GRP: variants seen among roughly 807,000 people sequenced by gnomAD.
GRP encodes gastrin-releasing peptide.
A neutral mutation model predicts 12.7 loss-of-function variants in GRP; 11 were observed. The ratio of observed to expected loss-of-function variants is 0.87; its 90% CI spans 0.55 to 1.44. The LOEUF is 1.44. GRP is among the 40% of genes most tolerant of loss of function. The pLI is 0.00. For synonymous variants in GRP, 84 were observed against 77.7 expected (o/e 1.08, Z -0.43); for missense variants, 212 against 185.4 (o/e 1.14, Z -0.83).
chr18:59,226,551 G>A (rs1220657529), intron 2 of GRP, among the ~76,000 whole-genome samples: 2 of 152,122 alleles, frequency 1.3e-5, no homozygotes, highest in African/African-American at 2.4e-5. Context: ...AGTCTTAGAC[G>A]GAAGATTCTA....
rs1285273990 is a variant in GRP at position 59,220,286 on chromosome 18, G to A, written c.21G>A (p.Pro7=). The change falls in exon 1 of 3, where the codon CCG becomes CCA. Residue 7 remains proline, a synonymous_variant. Coordinates refer to ENST00000256857, the MANE Select transcript of GRP (RefSeq NM_002091.5). ...GGACCATGCGCGGCCGTGAGCTCCC[G>A]CTGGTCCTGCTGGCGCTGGTCCTCT... The part of the protein sequence containing the change: MRGREL[P]LVLLALVLCL... 1 of 1,504,574 alleles carries A rather than the reference G, an allele frequency of 6.6e-7. No individual in the cohort carries two copies. The highest frequency in any genetic ancestry group is 2.1e-5 in the Admixed American group (1 of 48,296). The allele number at this position is 1,504,574 out of a possible 1,614,324, so 93.2% of individuals were successfully genotyped here. A position where few individuals can be genotyped will look rare whatever the true frequency, so the allele number is the denominator to read the frequency against.
Position 59,230,609 on chromosome 18 carries a change from G to T in GRP, c.*141G>T. The T allele has an allele frequency of 1.6e-6, 1 of 607,928 alleles. No individual in the cohort carries two copies. The highest frequency in any genetic ancestry group is 1.8e-5 in the African/African-American group (1 of 54,452). 37.7% of individuals were successfully genotyped at this position (607,928 alleles called of 1,614,324 possible). ...GTATCTTTCATCCTTGACTAAATTC[G>T]TGATTTTCAAGCAGCATCTTCTGGT... On this transcript the variant is annotated 3_prime_UTR_variant, in exon 3 of 3. Transcript: ENST00000256857.
chr18:59,225,757 A>T, intron 2 of GRP, 23 bp downstream of exon 2: 1 of 1,610,760 alleles, frequency 6.2e-7, no homozygotes, highest in Middle Eastern at 1.7e-4. Flanking sequence ...TACATGCAAG[A>T]TGGGGTGGGA....
At chr18:59,226,455 C>A (rs1039159996) in intron 2 of GRP, among the ~76,000 whole-genome samples, 1 of 152,134 alleles carries the variant, frequency 6.6e-6, no homozygotes, top group African/African-American at 2.4e-5. Context: ...ACAATAACAA[C>A]GGTGGCTAGT....
At position 59,225,620 on chromosome 18, in the gene GRP, G is replaced by A; in HGVS notation, c.268G>A (p.Ala90Thr). ...AAGGAATTTGCTGGGTCTCATAGAA[G>A]CAAAGGAGAACAGAAACCACCAGCC... The part of the protein sequence containing the change: ...AARNLLGLIE[A>T]KENRNHQPPQ... The change falls in exon 2 of 3, where the codon GCA becomes ACA. Residue 90 changes from alanine to threonine, a missense_variant. Physicochemically the swap from Ala to Thr is moderately conservative, Grantham distance 58. Coordinates refer to ENST00000256857, the MANE Select transcript of GRP (RefSeq NM_002091.5). 3.1e-6 allele frequency: 5 copies of A among 1,614,160 alleles called. No homozygotes were observed. Among genetic ancestry groups the A allele is most frequent in the Non-Finnish European group, 4.2e-6 (5 of 1,180,012 alleles).
chr18:59,220,604 T>A (rs2069816259), intron 1 of GRP, among the ~76,000 whole-genome samples, 200 bp downstream of exon 1: 1 of 151,914 alleles, frequency 6.6e-6, no homozygotes, highest in African/African-American at 2.4e-5. Context: ...AGCCCATGAG[T>A]CCCTAGTCAG....
upstream of GRP, among the ~76,000 whole-genome samples, chr18:59,219,826 T>A (rs533778985): frequency 6.6e-6 from 1 of 151,122 alleles, no homozygotes; most frequent in African/African-American, 2.4e-5. Flanking sequence ...GGGGTCGCCC[T>A]CTCCAGGACT....
chr18:59,221,813 C>T (rs72956155), intron 1 of GRP, among the ~76,000 whole-genome samples: 6,209 of 152,190 alleles, frequency 0.041, 192 homozygotes, highest in African/African-American at 0.089. Context: ...GATCTTTGGG[C>T]TGCAATAGAG....
At chr18:59,227,122 G>T (rs1247351079) in intron 2 of GRP, among the ~76,000 whole-genome samples, 1 of 142,152 alleles carries the variant, frequency 7.0e-6, no homozygotes, top group Non-Finnish European at 1.5e-5. Context: ...ACAAGGACTG[G>T]CTATGTTGCC....
chr18:59,221,818 A>G (rs1568082497), intron 1 of GRP, among the ~76,000 whole-genome samples: 1 of 152,162 alleles, frequency 6.6e-6, no homozygotes, highest in Non-Finnish European at 1.5e-5. Flanking sequence ...TTGGGCTGCA[A>G]TAGAGTGGTT....
At chr18:59,224,770 T>C (rs555689986) in intron 1 of GRP, among the ~76,000 whole-genome samples, 1 of 152,328 alleles carries the variant, frequency 6.6e-6, no homozygotes, top group East Asian at 1.9e-4. Flanking sequence ...TACACATTCC[T>C]GGAGCCACTG....
chr18:59,228,771 A>G (rs1189360204), intron 2 of GRP, among the ~76,000 whole-genome samples: 1 of 152,214 alleles, frequency 6.6e-6, no homozygotes, highest in Non-Finnish European at 1.5e-5. Context: ...TGTTTCTGCA[A>G]CATGAAACTC....
Position 59,220,383 on chromosome 18 carries a change from C to T in GRP, c.118C>T (p.Arg40Cys), listed in dbSNP as rs1446482701. The T allele has an allele frequency of 1.1e-5, 15 of 1,410,586 alleles. No homozygotes were observed. The highest frequency in any genetic ancestry group is 1.5e-5 in the South Asian group (1 of 65,710). The allele number at this position is 1,410,586 out of a possible 1,614,324, so 87.4% of individuals were successfully genotyped here. ...GGTVLTKMYP[R>C]GNHWAVGHLM... The stretch of plus-strand genomic sequence containing the variant: ...GACCGTGCTGACCAAGATGTACCCG[C>T]GCGGCAACCACTGGGCGGTGGGTGA... The change falls in exon 1 of 3, where the codon CGC (arginine) becomes TGC (cysteine). Residue 40 changes from arginine to cysteine, a missense_variant. Physicochemically the swap from Arg to Cys is radical, Grantham distance 180. Coordinates refer to ENST00000256857, the MANE Select transcript of GRP (RefSeq NM_002091.5).
chr18:59,228,922 G>A (rs543912308), intron 2 of GRP, among the ~76,000 whole-genome samples: 6 of 152,250 alleles, frequency 3.9e-5, no homozygotes, highest in South Asian at 2.1e-4. Context: ...TGCAGCTTAG[G>A]TCTCTCCTTT....
At chr18:59,221,691 G>A (rs1386087057) in intron 1 of GRP, among the ~76,000 whole-genome samples, 1 of 151,980 alleles carries the variant, frequency 6.6e-6, no homozygotes, top group Non-Finnish European at 1.5e-5. Context: ...TTCATATATC[G>A]GCTGATTCAC....
intron 1 of GRP, among the ~76,000 whole-genome samples, chr18:59,221,579 CTG>C (rs898082738): frequency 3.3e-5 from 5 of 150,080 alleles, no homozygotes; most frequent in South Asian, 2.1e-4. Flanking sequence ...GTGTGTGTCT[CTG>C]TGTGTGTGTG....
intron 2 of GRP, among the ~76,000 whole-genome samples, chr18:59,226,457 G>A (rs2069923011): frequency 6.6e-6 from 1 of 152,118 alleles, no homozygotes; most frequent in African/African-American, 2.4e-5. Flanking sequence ...AATAACAACG[G>A]TGGCTAGTTT....
At chr18:59,220,834 C>G (rs1568082062) in intron 1 of GRP, among the ~76,000 whole-genome samples, 1 of 152,340 alleles carries the variant, frequency 6.6e-6, no homozygotes, top group East Asian at 1.9e-4. Context: ...CCTGGTCCAG[C>G]TCGGTGGCCT....
intron 2 of GRP, among the ~76,000 whole-genome samples, chr18:59,227,355 C>T (rs1259527175): frequency 2.0e-5 from 3 of 152,220 alleles, no homozygotes; most frequent in East Asian, 1.9e-4. Flanking sequence ...AAACCCCAAG[C>T]GATTGTCTGG....
Sources: allele counts gnomAD v4.1 joint callset (sites outside exome capture counted in the v4.1 genomes callset), GRCh38; gene constraint gnomAD v4.1.1; transcripts MANE v1.5; gene names NCBI Gene and HGNC (gene_info 2026-07-23, HGNC 2026-07-21).